Variants in CHIC1 observed in about 807,000 individuals in gnomAD.
CHIC1 encodes cysteine rich hydrophobic domain 1.
CHIC1 carries 7 observed loss-of-function variants against 18.5 expected under a neutral mutation model. The observed-to-expected ratio is 0.38, with a 90% CI of 0.22 to 0.71. The LOEUF (loss-of-function observed/expected upper bound fraction) is 0.71. Ranked by LOEUF, CHIC1 falls within the 30% of genes least tolerant of loss-of-function variation. CHIC1 has a pLI of 0.49. For missense variants in CHIC1, 159 were observed against 176.9 expected, an observed-to-expected ratio of 0.90 and a Z score of 0.57; for synonymous variants, 77 against 73.5, an observed-to-expected ratio of 1.05 and a Z score of -0.25.
At chrX:73,614,295 TTC>T (rs762929254) in intron 3 of CHIC1, among the ~76,000 whole-genome samples, 39 of 111,807 alleles carry the variant, frequency 3.5e-4, no homozygotes, top group Admixed American at 9.5e-4. Context: ...GTTTCTAGAA[TTC>T]TCTCTTTGTC....
In CHIC1 at chrX:73,563,442, A is replaced by G; in HGVS notation, c.158A>G (p.Glu53Gly). Reference sequence around the variant, plus strand: ...GAGGAGGATGAGGAGGAAGAGGAGGAAGAGGAGGAGGAGGAAGAAGAGGAG... The same window carrying G: ...GAGGAGGATGAGGAGGAAGAGGAGGGAGAGGAGGAGGAGGAAGAAGAGGAG... ...DDEEDEEEEE[E>G]EEEEEEEEEE... is the part of the protein sequence containing the mutation. The change falls in exon 1 of 6, where the codon GAA (glutamate) becomes GGA (glycine). Residue 53 changes from glutamate (E) to glycine (G), a missense_variant. Coordinates refer to ENST00000373502, the MANE Select transcript of CHIC1 (RefSeq NM_001039840.4). The G allele has an allele frequency of 8.6e-7, 1 of 1,160,997 alleles. No homozygotes were observed. Among genetic ancestry groups the G allele is most frequent in the African/African-American group, 1.8e-5 (1 of 55,499 alleles).
intron 3 of CHIC1, among the ~76,000 whole-genome samples, chrX:73,670,573 C>T (rs2058025243): frequency 9.2e-6 from 1 of 109,097 alleles, no homozygotes; most frequent in South Asian, 3.9e-4. Context: ...CCTTGAGGTG[C>T]ATCATTATAT....
chrX:73,660,255 TAGG>T (rs1217014306), intron 3 of CHIC1, among the ~76,000 whole-genome samples: 1 of 112,042 alleles, frequency 8.9e-6, no homozygotes, highest in Non-Finnish European at 1.9e-5. Flanking sequence ...TTACACACAG[TAGG>T]AGGATAGTGG....
At chrX:73,624,174 C>T (rs2057773404) in intron 3 of CHIC1, among the ~76,000 whole-genome samples, 1 of 110,572 alleles carries the variant, frequency 9.0e-6, no homozygotes, top group East Asian at 2.8e-4. Flanking sequence ...GAGCATGCTT[C>T]TCTAATCCAA....
At chrX:73,632,510 T>G (rs1481891583) in intron 3 of CHIC1, among the ~76,000 whole-genome samples, 1 of 111,630 alleles carries the variant, frequency 9.0e-6, no homozygotes, top group African/African-American at 3.2e-5. Context: ...GACTGGTTCG[T>G]AGTTTCTTCC....
intron 3 of CHIC1, among the ~76,000 whole-genome samples, chrX:73,596,077 T>G (rs1427436975): frequency 8.9e-6 from 1 of 112,011 alleles, no homozygotes; most frequent in Non-Finnish European, 1.9e-5. Context: ...ATTAGCTCTT[T>G]GTCCGATTGA....
At chrX:73,666,832 GT>G (rs1237694312) in intron 3 of CHIC1, among the ~76,000 whole-genome samples, 1 of 112,005 alleles carries the variant, frequency 8.9e-6, no homozygotes, top group Non-Finnish European at 1.9e-5. Context: ...ATATTCTGTT[GT>G]TTTGGGGGTG....
chrX:73,648,972 G>A (rs1175130117), intron 3 of CHIC1, among the ~76,000 whole-genome samples: 1 of 111,739 alleles, frequency 8.9e-6, no homozygotes, highest in African/African-American at 3.3e-5. Context: ...ACCTACAAAG[G>A]GAAGACCATC....
chrX:73,653,070 G>T (rs1007070570), intron 3 of CHIC1, among the ~76,000 whole-genome samples: 8 of 111,632 alleles, frequency 7.2e-5, no homozygotes, highest in Non-Finnish European at 1.1e-4. Context: ...TATTTCCTTT[G>T]CAGGGACATG....
chrX:73,600,543 A>G (rs1569501792), intron 3 of CHIC1, among the ~76,000 whole-genome samples: 1 of 108,174 alleles, frequency 9.2e-6, no homozygotes, highest in Non-Finnish European at 1.9e-5. Context: ...TTTAGCATGA[A>G]GGGTTGTTGA....
chrX:73,670,622 C>T (rs2058025605), intron 3 of CHIC1, among the ~76,000 whole-genome samples: 1 of 110,502 alleles, frequency 9.0e-6, no homozygotes, highest in Non-Finnish European at 1.9e-5. Context: ...ATCTCATATT[C>T]TTTCTTTCAA....
chrX:73,593,220 T>C (rs2057590633), intron 3 of CHIC1, among the ~76,000 whole-genome samples: 1 of 111,458 alleles, frequency 9.0e-6, no homozygotes, highest in Non-Finnish European at 1.9e-5. Flanking sequence ...GCTCCTCTGA[T>C]TTTTGTTTTC....
intron 3 of CHIC1, among the ~76,000 whole-genome samples, chrX:73,603,922 T>G (rs900124715): frequency 9.2e-6 from 1 of 109,133 alleles, no homozygotes; most frequent in South Asian, 3.8e-4. Context: ...ATTGAGGATT[T>G]TCGCATCAAT....
intron 3 of CHIC1, among the ~76,000 whole-genome samples, chrX:73,664,492 C>T (rs1315266474): frequency 1.1e-4 from 12 of 110,956 alleles, no homozygotes; most frequent in Non-Finnish European, 1.7e-4. Context: ...TGATTGCCTG[C>T]CTTGCTTGCT....
intron 3 of CHIC1, among the ~76,000 whole-genome samples, chrX:73,659,407 T>C (rs1195414364): frequency 1.0e-5 from 1 of 100,105 alleles, no homozygotes; most frequent in African/African-American, 3.7e-5. Context: ...TCAGGAATTT[T>C]GTTGATTGAA....
chrX:73,601,569 A>G (rs2057650529), intron 3 of CHIC1, among the ~76,000 whole-genome samples: 1 of 106,335 alleles, frequency 9.4e-6, no homozygotes, highest in Non-Finnish European at 1.9e-5. Context: ...CAGTGTGTGG[A>G]GGGAAATTTA....
chrX:73,620,781 A>G (rs1023943099), intron 3 of CHIC1, among the ~76,000 whole-genome samples: 11 of 111,854 alleles, frequency 9.8e-5, no homozygotes, highest in South Asian at 3.7e-4. Flanking sequence ...GCCCATGCCT[A>G]TGTCCTGAAT....
chrX:73,677,142 A>C (rs1222015053), intron 3 of CHIC1, among the ~76,000 whole-genome samples: 2 of 111,573 alleles, frequency 1.8e-5, no homozygotes, highest in African/African-American at 6.5e-5. Flanking sequence ...GTTCGCCCCT[A>C]CTGGGGTGTG....
chrX:73,621,545 T>C (rs1249729673), intron 3 of CHIC1, among the ~76,000 whole-genome samples: 2 of 112,314 alleles, frequency 1.8e-5, no homozygotes, highest in African/African-American at 6.5e-5. Context: ...GCACATTGAT[T>C]TGTATGCTGA....
Sources: gnomAD v4.1 joint callset for allele counts (sites outside exome capture counted in the v4.1 genomes callset) on GRCh38, gnomAD v4.1.1 for gene constraint, MANE v1.5 for transcripts, NCBI Gene and HGNC (gene_info 2026-07-23, HGNC 2026-07-21) for gene names.